Variants in CCDC183 observed in about 807,000 individuals in gnomAD.
CCDC183 encodes the protein coiled-coil domain-containing protein 183.
In CCDC183, 63 loss-of-function variants were observed where a neutral mutation model predicts 65.2. The ratio of observed to expected loss-of-function variants is 0.97; its 90% CI spans 0.79 to 1.19. The LOEUF (loss-of-function observed/expected upper bound fraction) is 1.19, where lower values mean the gene tolerates loss of function less well. Among genes scored for constraint, CCDC183 ranks in the 50% most tolerant of loss-of-function variants. The pLI, the probability that CCDC183 is intolerant of heterozygous loss-of-function variation, is 0.00. For missense variants in CCDC183, 769 were observed against 689.3 expected, an observed-to-expected ratio of 1.12 and a Z score of -1.30; for synonymous variants, 323 against 276.5, an observed-to-expected ratio of 1.17 and a Z score of -1.67.
rs368469595 is a variant in CCDC183, at chr9:136,802,749, T to A, written c.629T>A (p.Met210Lys). The A allele has an allele frequency of 1.2e-6, 2 of 1,613,348 alleles. No individual in the cohort carries two copies. The highest frequency in any genetic ancestry group is 1.7e-6 in the Non-Finnish European group (2 of 1,179,794). The change falls in exon 6 of 14, where the codon ATG (methionine) becomes AAG (lysine). Residue 210 changes from methionine to lysine, a missense_variant. Met to Lys is a moderately conservative substitution (Grantham distance 95). Transcript: ENST00000338005. ...TCAGAGCTGTCGGATATGAAGATCA[T>A]GTCCCAAGATGCCATGATGATCACG... is the stretch of plus-strand genomic sequence containing the variant. ...YCSELSDMKI[M>K]SQDAMMITDE...
intron 8 of CCDC183, 114 bp from the exon 9 acceptor site, chr9:136,805,237 ATGCCTG>A (rs1847821512): frequency 2.7e-6 from 2 of 752,618 alleles, no homozygotes. Context: ...TCTCTGAAGG[ATGCCTG>A]TGTCTTGGGT....
At chr9:136,799,525 C>A in intron 2 of CCDC183, 188 bp from the exon 3 acceptor site, 1 of 676,428 alleles carries the variant, frequency 1.5e-6, no homozygotes, top group Non-Finnish European at 2.5e-6. Context: ...TGCATACCCC[C>A]CTACCACGTC....
In CCDC183 at chr9:136,803,847, A is replaced by G. The variant is rs115818439; in HGVS notation, c.667-655A>G. ...GCAGAGGCACAGGCCCCAGGAGTCC[A>G]CGGAGGCGGCTGGGCTGGGGGCCCA... On this transcript the variant is annotated intron_variant, in intron 6 of 13. Transcript: ENST00000338005. The G allele has an allele frequency of 2.4e-3, 370 of 155,890 alleles. 1 individual carries two copies. The highest frequency in any genetic ancestry group is 8.5e-3 in the African/African-American group (352 of 41,548). 9.7% of individuals were successfully genotyped at this position (155,890 alleles called of 1,614,324 possible).
Position 136,799,716 on chromosome 9 carries a change from G to C in CCDC183, c.196G>C (p.Asp66His). Residue 66 changes from aspartate (D) to histidine (H), a missense_variant, in exon 3 of 14, where the codon GAC becomes CAC. Transcript: ENST00000338005. ...CTCAGCCGCCGCCGCTCCGCAGTAT[G>C]ACCAGTGGACCATCTCCAAGGCCTG... Reference protein sequence around the residue: ...AQDWALAKKYDQWTISKACGK... With the variant: ...AQDWALAKKYHQWTISKACGK... 5 of 1,612,848 alleles carry C rather than the reference G, an allele frequency of 3.1e-6. No homozygotes were observed. Among genetic ancestry groups the C allele is most frequent in the Middle Eastern group, 1.7e-4 (1 of 5,984 alleles).
At chr9:136,806,934 A>C (rs1459095513) in intron 12 of CCDC183, 36 bp from the exon 13 acceptor site, 1 of 1,613,468 alleles carries the variant, frequency 6.2e-7, no homozygotes, top group South Asian at 1.1e-5. Flanking sequence ...TCCCGTTCAG[A>C]GTGTCTGCAC....
intron 3 of CCDC183, 23 bp downstream of exon 3, chr9:136,799,813 G>C: frequency 6.2e-7 from 1 of 1,605,994 alleles, no homozygotes; most frequent in Non-Finnish European, 8.5e-7. Flanking sequence ...GAGGGGCCTC[G>C]AGACCCAACC....
At chr9:136,802,619 G>A (rs1196557097) in intron 5 of CCDC183, 45 bp from the exon 6 acceptor site, 2 of 1,565,770 alleles carry the variant, frequency 1.3e-6, no homozygotes, top group East Asian at 4.5e-5. Flanking sequence ...CGGGGCAACT[G>A]CAGCCCACTC....
rs1484163812 is a variant in CCDC183, at chr9:136,799,774, G to A, written c.254G>A (p.Cys85Tyr). The change falls in exon 3 of 14, where the codon TGC becomes TAC. Residue 85 changes from cysteine to tyrosine, a missense_variant. Cys to Tyr is a radical substitution (Grantham distance 194). Transcript: ENST00000338005. Reference protein sequence around the residue: ...GKNLPLRLAHCRSTMEVVREK... With the variant: ...GKNLPLRLAHYRSTMEVVREK... ...AACTTGCCTTTGCGACTGGCGCACT[G>A]CCGCAGCACCATGGAGGTAACCAGG... 3.1e-6 allele frequency: 5 copies of A among 1,612,992 alleles called. No homozygotes were observed. Among genetic ancestry groups the A allele is most frequent in the East Asian group, 2.2e-5 (1 of 44,862 alleles).
intron 5 of CCDC183, among the ~76,000 whole-genome samples, chr9:136,802,193 T>A (rs191142535): frequency 3.3e-5 from 5 of 152,158 alleles, no homozygotes; most frequent in Admixed American, 3.3e-4. Flanking sequence ...TTCATCCTGA[T>A]GGCAACCTTC....
At position 136,804,622 on chromosome 9, in the gene CCDC183, C is replaced by G. The variant is rs1214439145; in HGVS notation, c.787C>G (p.Arg263Gly). 1 of 1,613,674 alleles carries G rather than the reference C, an allele frequency of 6.2e-7. No individual in the cohort carries two copies. The change falls in exon 7 of 14, where the codon CGC becomes GGC. Residue 263 changes from arginine (R) to glycine (G), a missense_variant. Coordinates refer to ENST00000338005, the MANE Select transcript of CCDC183 (RefSeq NM_001039374.5). This position sits in a 1 kb window ranked among gnomAD's most constrained non-coding sequence, Gnocchi z 4.1. ...IHTKETSEKY[R>G]RGQMDLDFPS... is the part of the protein sequence containing the mutation. ...CACGAAGGAGACCAGCGAGAAGTAC[C>G]GCCGGGTAAGCCCCAGGCCAGGGCC... is the stretch of plus-strand genomic sequence containing the variant.
chr9:136,800,117 A>AGCCTGCGGAGCCAGC lies in CCDC183; in HGVS notation c.386_387insGCCTGCGGAGCCAGC (p.Asp129delinsGluProAlaGluProAla), dbSNP rs1564348478. Reference sequence around the variant, plus strand: ...CTGGAGAGCATGCAGCTGGAGCTGGACAGCCTGCGGAGCCAGCCCGACGCC... The same window carrying AGCCTGCGGAGCCAGC: ...CTGGAGAGCATGCAGCTGGAGCTGGAGCCTGCGGAGCCAGCCAGCCTGCGGAGCCAGCCCGACGCC... On this transcript the variant is annotated protein_altering_variant, in exon 4 of 14. Transcript: ENST00000338005. 2 of 1,542,434 alleles carry AGCCTGCGGAGCCAGC rather than the reference A, an allele frequency of 1.3e-6. No homozygotes were observed. Among genetic ancestry groups the AGCCTGCGGAGCCAGC allele is most frequent in the African/African-American group, 1.4e-5 (1 of 73,118 alleles).
At chr9:136,799,528 A>C in intron 2 of CCDC183, 185 bp from the exon 3 acceptor site, 1 of 678,984 alleles carries the variant, frequency 1.5e-6, no homozygotes. Flanking sequence ...ATACCCCCCT[A>C]CCACGTCGCC....
rs150619114 is a variant in CCDC183, at chr9:136,804,223, G to A, written c.667-279G>A. 1,657 of 413,212 alleles carry A rather than the reference G, an allele frequency of 4.0e-3. 6 individuals carry two copies. The highest frequency in any genetic ancestry group is 0.016 in the African/African-American group (821 of 49,890). 25.6% of individuals were successfully genotyped at this position (413,212 alleles called of 1,614,324 possible). On this transcript the variant is annotated intron_variant, in intron 6 of 13. Coordinates refer to ENST00000338005, the MANE Select transcript of CCDC183 (RefSeq NM_001039374.5). The surrounding 1 kb of genome is among the most constrained non-coding windows in gnomAD (Gnocchi z 4.1). Reference sequence around the variant, plus strand: ...CTTCAGGCAGGCTGAATGCACTTCCGTGAGTTCTAGGTGGACCTGGCCAGG... The same window carrying A: ...CTTCAGGCAGGCTGAATGCACTTCCATGAGTTCTAGGTGGACCTGGCCAGG...
In CCDC183 at chr9:136,799,761, C is replaced by T. The variant is rs1847706733; in HGVS notation, c.241C>T (p.Arg81Ter). Residue 81 changes from arginine (R) to a stop codon, truncating the protein, a stop_gained, in exon 3 of 14, where the codon CGA becomes TGA. Transcript: ENST00000338005. LOFTEE classifies it high-confidence loss of function. ...SKACGKNLPL[R>*]LAHCRSTMEV... ...GGCCTGCGGGAAAAACTTGCCTTTG[C>T]GACTGGCGCACTGCCGCAGCACCAT... The T allele has an allele frequency of 2.5e-6, 4 of 1,613,158 alleles. No homozygotes were observed. Among genetic ancestry groups the T allele is most frequent in the South Asian group, 1.1e-5 (1 of 91,080 alleles).
chr9:136,806,461 G>A (rs368317824), intron 10 of CCDC183, 43 bp from the exon 11 acceptor site: 439 of 1,610,850 alleles, frequency 2.7e-4, no homozygotes, highest in South Asian at 2.5e-3. Context: ...CATGGCTCTC[G>A]GGCCTGTGCC....
At chr9:136,805,533 C>T in intron 9 of CCDC183, 76 bp downstream of exon 9, 2 of 1,318,418 alleles carry the variant, frequency 1.5e-6, no homozygotes, top group African/African-American at 1.4e-5. Flanking sequence ...CTCCCTGGCA[C>T]TCCCGGAGCA....
Position 136,806,130 on chromosome 9 carries a change from T to G in CCDC183, c.1001T>G (p.Leu334Arg), listed in dbSNP as rs1272100918. 11 of 1,558,246 alleles carry G rather than the reference T, an allele frequency of 7.1e-6. No homozygotes were observed. The East Asian group carries it at 2.7e-4, about 38-fold the overall frequency. Residue 334 changes from leucine (L) to arginine (R), a missense_variant, in exon 10 of 14, where the codon CTG (leucine) becomes CGG (arginine). Leu to Arg is a moderately radical substitution (Grantham distance 102). Transcript: ENST00000338005. ...AGGAACACGGAGGAGAACCTGGAGC[T>G]GCAGATGGAGGACTGTGAGGAGTGG... The part of the protein sequence containing the change: ...AQRNTEENLE[L>R]QMEDCEEWRV...
At chr9:136,805,285 T>G (rs1588335700) in intron 8 of CCDC183, 72 bp from the exon 9 acceptor site, 1 of 1,258,242 alleles carries the variant, frequency 7.9e-7, no homozygotes. Context: ...GGTACAGAGG[T>G]GTCTGACAGC....
chr9:136,802,028 A>C (rs1316143603), intron 5 of CCDC183, among the ~76,000 whole-genome samples: 1 of 152,094 alleles, frequency 6.6e-6, no homozygotes, highest in African/African-American at 2.4e-5. Context: ...TGACCTCATG[A>C]TCTGCCTGCC....
Sources: gnomAD v4.1 joint callset for allele counts (sites outside exome capture counted in the v4.1 genomes callset) on GRCh38, gnomAD v4.1.1 for gene constraint, Gnocchi (gnomAD v3.1) non-coding constraint, MANE v1.5 for transcripts, NCBI Gene and HGNC (gene_info 2026-07-23, HGNC 2026-07-21) for gene names.